RAB7A: variants seen among roughly 807,000 people sequenced by gnomAD.
The protein encoded by RAB7A is ras-related protein Rab-7a.
RAB7A carries 2 observed loss-of-function variants against 24.5 expected under a neutral mutation model. The ratio of observed to expected loss-of-function variants is 0.08; its 90% CI spans 0.03 to 0.26. The LOEUF (loss-of-function observed/expected upper bound fraction) is 0.26. Ranked by LOEUF, RAB7A falls within the 10% of genes least tolerant of loss-of-function variation. RAB7A has a pLI of 1.00. For synonymous variants in RAB7A, 100 were observed against 95.9 expected (o/e 1.04, Z -0.25); for missense variants, 118 against 255.7 (o/e 0.46, Z 3.67).
At chr3:128,738,425 A>G (rs1174647463) in intron 1 of RAB7A, among the ~76,000 whole-genome samples, 1 of 152,046 alleles carries the variant, frequency 6.6e-6, no homozygotes, top group Non-Finnish European at 1.5e-5. Context: ...AAAGACACAT[A>G]TTCCTCTGAG....
chr3:128,755,033 G>A lies in RAB7A; in HGVS notation c.-9+28674G>A, dbSNP rs117875259. Among the ~76,000 whole-genome samples the A allele has an allele frequency of 8.8e-4, 134 of 152,168 alleles. 3 individuals are homozygous for A. The East Asian group carries it at 0.023, about 26-fold the overall frequency. ...CAAGTAGATCTTACAGACATACACG[G>A]GGCATTCTACTCAACAACAGAATGC... On this transcript the variant is annotated intron_variant, in intron 1 of 5. Coordinates refer to ENST00000265062, the MANE Select transcript of RAB7A (RefSeq NM_004637.6).
chr3:128,743,682 G>C (rs2070579246), intron 1 of RAB7A, among the ~76,000 whole-genome samples: 2 of 152,190 alleles, frequency 1.3e-5, no homozygotes, highest in South Asian at 4.1e-4. Context: ...GCTGGGTGCA[G>C]TGGCTCATGC....
chr3:128,780,408 G>A (rs1933193501), intron 1 of RAB7A, among the ~76,000 whole-genome samples: 1 of 151,926 alleles, frequency 6.6e-6, no homozygotes, highest in Non-Finnish European at 1.5e-5. Context: ...GGAAGGAGTT[G>A]TGAAGTAGCT....
At chr3:128,803,262 A>T (rs2107614421) in intron 3 of RAB7A, among the ~76,000 whole-genome samples, 1 of 152,328 alleles carries the variant, frequency 6.6e-6, no homozygotes, top group East Asian at 1.9e-4. Context: ...GAAAATACAG[A>T]AAGTACAAAT....
chr3:128,799,651 C>T (rs1933657904), intron 3 of RAB7A, among the ~76,000 whole-genome samples: 1 of 152,168 alleles, frequency 6.6e-6, no homozygotes, highest in African/African-American at 2.4e-5. Context: ...CACACATACA[C>T]CTAGAGATCT....
chr3:128,761,996 C>T (rs754264181), intron 1 of RAB7A, among the ~76,000 whole-genome samples: 41 of 152,096 alleles, frequency 2.7e-4, no homozygotes, highest in Non-Finnish European at 5.1e-4. Context: ...GCATGTTTTG[C>T]CAGTTATCTT....
chr3:128,775,874 C>T (rs1435862359), intron 1 of RAB7A, among the ~76,000 whole-genome samples: 1 of 152,094 alleles, frequency 6.6e-6, no homozygotes, highest in Admixed American at 6.6e-5. Context: ...TTAACATTTG[C>T]ATTACCTCAC....
intron 1 of RAB7A, among the ~76,000 whole-genome samples, chr3:128,765,540 T>A (rs1459543280): frequency 1.3e-5 from 2 of 152,234 alleles, no homozygotes; most frequent in Non-Finnish European, 1.5e-5. Flanking sequence ...CAGAAGTTTA[T>A]TGCCCACAGT....
intron 1 of RAB7A, among the ~76,000 whole-genome samples, chr3:128,760,952 A>G (rs565466410): frequency 9.2e-5 from 14 of 152,330 alleles, no homozygotes; most frequent in African/African-American, 3.1e-4. Context: ...CAACCCTAAG[A>G]GGTGGAGAGG....
chr3:128,764,826 C>T (rs2070812687), intron 1 of RAB7A: 4 of 972,170 alleles, frequency 4.1e-6, no homozygotes, highest in African/African-American at 1.6e-5. Flanking sequence ...CGGCATGTTC[C>T]CTCTCCTCAT....
intron 1 of RAB7A, among the ~76,000 whole-genome samples, chr3:128,775,888 CT>C (rs978666528): frequency 2.6e-5 from 4 of 151,564 alleles, no homozygotes; most frequent in Middle Eastern, 3.4e-3. Context: ...ACCTCACATA[CT>C]TTTTTTTTGT....
intron 5 of RAB7A, among the ~76,000 whole-genome samples, chr3:128,809,366 C>T (rs906088013): frequency 2.0e-5 from 3 of 152,152 alleles, no homozygotes; most frequent in African/African-American, 7.2e-5. Flanking sequence ...CTGACATTGC[C>T]GATCTTTGGG....
intron 1 of RAB7A, among the ~76,000 whole-genome samples, chr3:128,768,301 A>G (rs761262640): frequency 2.6e-5 from 4 of 152,110 alleles, no homozygotes; most frequent in Non-Finnish European, 4.4e-5. Context: ...TTGTATAGCT[A>G]TATCACAGTT....
At chr3:128,788,612 A>C (rs1456914112) in intron 1 of RAB7A, among the ~76,000 whole-genome samples, 1 of 152,140 alleles carries the variant, frequency 6.6e-6, no homozygotes, top group Non-Finnish European at 1.5e-5. Context: ...CTTTGCTTTC[A>C]ATTCCTGCAA....
At chr3:128,780,017 T>C (rs1319468926) in intron 1 of RAB7A, among the ~76,000 whole-genome samples, 1 of 152,194 alleles carries the variant, frequency 6.6e-6, no homozygotes, top group African/African-American at 2.4e-5. Flanking sequence ...AGTGAAGTCA[T>C]GGGACAGGGA....
intron 1 of RAB7A, among the ~76,000 whole-genome samples, chr3:128,783,355 G>C (rs1933262921): frequency 6.6e-6 from 1 of 152,052 alleles, no homozygotes; most frequent in Non-Finnish European, 1.5e-5. Context: ...TCTTGCGTTT[G>C]AGGGAGTAGT....
At chr3:128,745,187 C>G (rs1459933266) in intron 1 of RAB7A, among the ~76,000 whole-genome samples, 1 of 151,908 alleles carries the variant, frequency 6.6e-6, no homozygotes, top group Non-Finnish European at 1.5e-5. Flanking sequence ...GTCACTTTTT[C>G]ATTAAATTTT....
chr3:128,793,821 G>A (rs73198855), intron 1 of RAB7A, among the ~76,000 whole-genome samples: 6,316 of 152,230 alleles, frequency 0.041, 178 homozygotes, highest in Non-Finnish European at 0.058. Flanking sequence ...CTGAGATACC[G>A]TGTCTTCACA....
chr3:128,774,079 A>T (rs76415056), intron 1 of RAB7A, among the ~76,000 whole-genome samples: 3 of 40,836 alleles, frequency 7.3e-5, no homozygotes, highest in Non-Finnish European at 2.3e-4. Context: ...ATGATCAATT[A>T]AAAAAAAAAA....
Sources: allele counts gnomAD v4.1 joint callset (sites outside exome capture counted in the v4.1 genomes callset), GRCh38; gene constraint gnomAD v4.1.1; transcripts MANE v1.5; gene names NCBI Gene and HGNC (gene_info 2026-07-23, HGNC 2026-07-21).